ZNF609: variants seen among roughly 807,000 people sequenced by gnomAD.
ZNF609 encodes zinc finger protein 609.
ZNF609 carries 11 observed loss-of-function variants against 109.5 expected under a neutral mutation model. That is an observed-to-expected ratio of 0.10 (90% CI 0.06 to 0.17). The LOEUF (loss-of-function observed/expected upper bound fraction) is 0.17, where lower values mean the gene tolerates loss of function less well. ZNF609 is among the 10% of genes least tolerant of loss of function. The pLI, the probability that ZNF609 is intolerant of heterozygous loss-of-function variation, is 1.00. For missense variants in ZNF609, 1,559 were observed against 1,772.4 expected (o/e 0.88, Z 2.16); for synonymous variants, 646 against 662.0 (o/e 0.98, Z 0.37).
In ZNF609 at chr15:64,593,161, C is replaced by T. The variant is rs922436133; in HGVS notation, c.748-29666C>T. On this transcript the variant is annotated intron_variant, in intron 2 of 9. Coordinates refer to ENST00000326648, the MANE Select transcript of ZNF609 (RefSeq NM_015042.2). ...TTTCTGAAGCGAGCGTCTTCGATGC[C>T]TATGTGCTTCCCAAGCTGTATGTGA... 8.4e-6 allele frequency: 13 copies of T among 1,550,302 alleles called. No individual in the cohort carries two copies. The African/African-American group carries it at 1.8e-4, about 21-fold the overall frequency.
intron 2 of ZNF609, among the ~76,000 whole-genome samples, chr15:64,561,119 G>C (rs1233522969): frequency 6.6e-6 from 1 of 152,056 alleles, no homozygotes. Flanking sequence ...TATACTTCCT[G>C]GTCCCTCATC....
At chr15:64,563,865 C>T (rs932591003) in intron 2 of ZNF609, among the ~76,000 whole-genome samples, 2 of 152,002 alleles carry the variant, frequency 1.3e-5, no homozygotes, top group African/African-American at 2.4e-5. Flanking sequence ...GGATTACAGG[C>T]GTGAGTCGCC....
At chr15:64,670,831 T>G (rs1896714713) in intron 4 of ZNF609, among the ~76,000 whole-genome samples, 1 of 137,698 alleles carries the variant, frequency 7.3e-6, no homozygotes, top group African/African-American at 2.8e-5. Flanking sequence ...TGAGCCAAGA[T>G]CACACCATTG....
At chr15:64,491,604 T>G (rs1259306705) in intron 1 of ZNF609, among the ~76,000 whole-genome samples, 2 of 151,970 alleles carry the variant, frequency 1.3e-5, no homozygotes. Context: ...ATCCCAGCAC[T>G]TTGGGAGGCT....
intron 1 of ZNF609, among the ~76,000 whole-genome samples, chr15:64,480,065 C>T (rs992218276): frequency 1.1e-4 from 16 of 151,352 alleles, no homozygotes; most frequent in South Asian, 4.2e-4. Context: ...GGCAAAACCC[C>T]GTCTCTACTA....
intron 2 of ZNF609, among the ~76,000 whole-genome samples, chr15:64,579,109 T>G (rs192358321): frequency 9.9e-5 from 15 of 152,164 alleles, no homozygotes; most frequent in Non-Finnish European, 1.5e-4. Flanking sequence ...TGCTATTTTT[T>G]TATGTCTTTT....
intron 1 of ZNF609, among the ~76,000 whole-genome samples, chr15:64,483,826 C>A (rs1566995108): frequency 6.6e-6 from 1 of 152,210 alleles, no homozygotes; most frequent in Non-Finnish European, 1.5e-5. Flanking sequence ...CACACATCAT[C>A]ACACCTGGCT....
chr15:64,600,981 C>T lies in ZNF609; in HGVS notation c.748-21846C>T, dbSNP rs553428460. Among the ~76,000 whole-genome samples the T allele has an allele frequency of 1.2e-3, 178 of 152,184 alleles. 1 individual carries two copies. The highest frequency in any genetic ancestry group is 3.4e-3 in the Middle Eastern group (1 of 294). ...AAATCAGAGCCATTTTATGATGCAA[C>T]TTATGCAGTTCAGCCATCACCTTCT... is the stretch of plus-strand genomic sequence containing the variant. On this transcript the variant is annotated intron_variant, in intron 2 of 9. Transcript: ENST00000326648.
chr15:64,524,006 A>T (rs546659493), intron 2 of ZNF609, among the ~76,000 whole-genome samples: 2 of 150,886 alleles, frequency 1.3e-5, no homozygotes, highest in South Asian at 2.1e-4. Flanking sequence ...TAGACAGGTT[A>T]TACGGGTTTT....
intron 2 of ZNF609, among the ~76,000 whole-genome samples, chr15:64,591,513 C>T (rs1008045202): frequency 3.3e-5 from 5 of 152,070 alleles, no homozygotes; most frequent in African/African-American, 1.2e-4. Flanking sequence ...AAAAAAGCCT[C>T]AAAATGTGCA....
Position 64,675,721 on chromosome 15 carries a change from A to C in ZNF609, c.2867A>C (p.Gln956Pro). Residue 956 changes from glutamine (Q) to proline (P), a missense_variant, in exon 5 of 10, where the codon CAG becomes CCG. Transcript: ENST00000326648. The part of the protein sequence containing the change: ...EKKPELSSSS[Q>P]QPSVIQQRPN... ...AAGCCCGAGCTGAGCAGTTCCAGTC[A>C]GCAGCCCTCGGTCATCCAGCAGCGT... The C allele has an allele frequency of 1.2e-6, 2 of 1,614,224 alleles. No homozygotes were observed. Among genetic ancestry groups the C allele is most frequent in the Non-Finnish European group, 1.7e-6 (2 of 1,180,052 alleles).
rs1024456554 is a variant in ZNF609, at chr15:64,611,899, A to AT, written c.748-10919dup. On this transcript the variant is annotated intron_variant, in intron 2 of 9. Coordinates refer to ENST00000326648, the MANE Select transcript of ZNF609 (RefSeq NM_015042.2). ...AGGCTCCCGCCACCATGCCCGGCTAATTTTTTTTTGTATTTTTTGTAGAGA... is the reference window on the plus strand; with the variant it reads ...AGGCTCCCGCCACCATGCCCGGCTAATTTTTTTTTTGTATTTTTTGTAGAGA... Among the ~76,000 whole-genome samples the AT allele has an allele frequency of 8.8e-5, 13 of 147,516 alleles. No homozygotes were observed. The South Asian group carries it at 1.1e-3, about 12-fold the overall frequency.
At chr15:64,510,260 A>G (rs1317227121) in intron 2 of ZNF609, among the ~76,000 whole-genome samples, 1 of 149,054 alleles carries the variant, frequency 6.7e-6, no homozygotes, top group Non-Finnish European at 1.5e-5. Context: ...GCTGCAGTGC[A>G]GTAGTATGAT....
intron 2 of ZNF609, among the ~76,000 whole-genome samples, chr15:64,523,830 A>AAAT (rs1295190246): frequency 6.6e-6 from 1 of 152,066 alleles, no homozygotes; most frequent in African/African-American, 2.4e-5. Context: ...GAAGATTGAG[A>AAAT]AATGATGGCT....
chr15:64,668,607 A>G (rs1292054092), intron 3 of ZNF609, among the ~76,000 whole-genome samples: 2 of 152,246 alleles, frequency 1.3e-5, no homozygotes, highest in East Asian at 1.9e-4. Flanking sequence ...GGATAGCTTG[A>G]GCCCGAGTTT....
At chr15:64,670,606 C>T (rs963049807) in intron 4 of ZNF609, among the ~76,000 whole-genome samples, 173 bp downstream of exon 4, 10 of 152,110 alleles carry the variant, frequency 6.6e-5, no homozygotes, top group Admixed American at 2.6e-4. Context: ...TGGCCAGGCG[C>T]GGTGGCTCAC....
chr15:64,660,766 CT>C (rs1420156618), intron 3 of ZNF609, among the ~76,000 whole-genome samples: 1 of 152,172 alleles, frequency 6.6e-6, no homozygotes, highest in African/African-American at 2.4e-5. Flanking sequence ...GCTTTTTCCG[CT>C]GCCTAAAATG....
chr15:64,617,472 C>T (rs1470552062), intron 2 of ZNF609, among the ~76,000 whole-genome samples: 1 of 151,648 alleles, frequency 6.6e-6, no homozygotes, highest in East Asian at 1.9e-4. Flanking sequence ...GCCTGGACGA[C>T]AGAGCGAGAC....
intron 2 of ZNF609, among the ~76,000 whole-genome samples, chr15:64,525,807 A>G (rs1007676462): frequency 1.0e-4 from 15 of 150,110 alleles, no homozygotes; most frequent in Middle Eastern, 3.4e-3. Flanking sequence ...TTTTTGAGAC[A>G]GAGTCTCACT....
Sources: allele counts gnomAD v4.1 joint callset (sites outside exome capture counted in the v4.1 genomes callset), GRCh38; gene constraint gnomAD v4.1.1; transcripts MANE v1.5; gene names NCBI Gene and HGNC (gene_info 2026-07-23, HGNC 2026-07-21).